Variants in PKN2 observed in about 807,000 individuals in gnomAD.
PKN2 encodes the protein protein kinase N2.
In PKN2, 38 loss-of-function variants were observed where a neutral mutation model predicts 119.1. The ratio of observed to expected loss-of-function variants is 0.32; its 90% CI spans 0.25 to 0.42. The LOEUF is 0.42. PKN2 is among the 10% of genes least tolerant of loss of function. The pLI is 1.00. For missense variants in PKN2, 850 were observed against 1,165.1 expected (o/e 0.73, Z 3.94); for synonymous variants, 390 against 384.9 (o/e 1.01, Z -0.15).
chr1:88,762,271 G>C (rs1669478704), intron 3 of PKN2, among the ~76,000 whole-genome samples: 1 of 152,184 alleles, frequency 6.6e-6, no homozygotes, highest in African/African-American at 2.4e-5. Flanking sequence ...ACAAGGCTGT[G>C]AGCATCCTGT....
intron 1 of PKN2, among the ~76,000 whole-genome samples, chr1:88,736,078 A>C (rs563228273): frequency 6.6e-6 from 1 of 152,178 alleles, no homozygotes; most frequent in Non-Finnish European, 1.5e-5. Context: ...GCTTGTCTTC[A>C]AGCTCAGATT....
chr1:88,688,513 C>T (rs905168621), intron 1 of PKN2, among the ~76,000 whole-genome samples: 7 of 152,196 alleles, frequency 4.6e-5, no homozygotes, highest in Non-Finnish European at 7.3e-5. Flanking sequence ...CTTTACACTA[C>T]TTGTTAGCTC....
chr1:88,737,760 C>T (rs982719402), intron 1 of PKN2, among the ~76,000 whole-genome samples: 3 of 152,180 alleles, frequency 2.0e-5, no homozygotes, highest in Non-Finnish European at 4.4e-5. Context: ...AGACCCAGTG[C>T]TGAGCTACAA....
chr1:88,742,960 G>C (rs1458923567), intron 2 of PKN2, among the ~76,000 whole-genome samples: 1 of 152,180 alleles, frequency 6.6e-6, no homozygotes, highest in Non-Finnish European at 1.5e-5. Flanking sequence ...GGAGGCCAAG[G>C]CAGGCGGATC....
intron 1 of PKN2, among the ~76,000 whole-genome samples, chr1:88,735,472 T>A (rs1431191864): frequency 4.6e-5 from 7 of 151,750 alleles, no homozygotes; most frequent in Non-Finnish European, 8.8e-5. Flanking sequence ...TATTTTTTTT[T>A]AACATTTCTT....
Position 88,795,270 on chromosome 1 carries a change from T to A in PKN2, c.1281+9057T>A, listed in dbSNP as rs191315952. Reference sequence around the variant, plus strand: ...TATGATCATTCAAGTTGCCCTCTAGTTTCCATTCTTTCTAGTCTCCTATAG... The same window carrying A: ...TATGATCATTCAAGTTGCCCTCTAGATTCCATTCTTTCTAGTCTCCTATAG... On this transcript the variant is annotated intron_variant, in intron 8 of 21. Transcript: ENST00000370521. Among the ~76,000 whole-genome samples the A allele has an allele frequency of 6.6e-5, 10 of 152,334 alleles. 1 individual carries two copies. The East Asian group carries it at 7.7e-4, about 12-fold the overall frequency.
At chr1:88,729,390 G>T (rs140877554) in intron 1 of PKN2, among the ~76,000 whole-genome samples, 24 of 152,306 alleles carry the variant, frequency 1.6e-4, no homozygotes, top group African/African-American at 5.3e-4. Context: ...GGTATACTAG[G>T]TGTTTCTTTT....
intron 1 of PKN2, among the ~76,000 whole-genome samples, chr1:88,725,756 C>A (rs1204586304): frequency 6.6e-6 from 1 of 152,024 alleles, no homozygotes; most frequent in Admixed American, 6.6e-5. Flanking sequence ...TGTTTGTTTG[C>A]TTATTTTATG....
chr1:88,810,047 G>GA (rs1251747928), intron 15 of PKN2, among the ~76,000 whole-genome samples: 2 of 150,878 alleles, frequency 1.3e-5, no homozygotes, highest in African/African-American at 4.9e-5. Flanking sequence ...ATGAAGGTAA[G>GA]AAAAAGGAGT....
At chr1:88,728,016 C>CTTTTTTTTT (rs34460979) in intron 1 of PKN2, among the ~76,000 whole-genome samples, 2 of 130,786 alleles carry the variant, frequency 1.5e-5, no homozygotes, top group Non-Finnish European at 3.2e-5. Flanking sequence ...TTTCTTGGGG[C>CTTTTTTTTT]TTTTTTTTTT....
At chr1:88,751,031 A>G (rs576911900) in intron 2 of PKN2, among the ~76,000 whole-genome samples, 19 of 152,286 alleles carry the variant, frequency 1.2e-4, no homozygotes, top group Non-Finnish European at 2.2e-4. Flanking sequence ...TACAGAATAC[A>G]GTACAAATTT....
intron 2 of PKN2, among the ~76,000 whole-genome samples, chr1:88,756,191 C>T (rs974398409): frequency 2.0e-5 from 3 of 151,978 alleles, no homozygotes; most frequent in Admixed American, 6.6e-5. Flanking sequence ...CCACCATGCC[C>T]GGCCGGATAT....
chr1:88,740,711 T>C (rs980952163), intron 1 of PKN2, among the ~76,000 whole-genome samples: 5 of 152,128 alleles, frequency 3.3e-5, no homozygotes, highest in African/African-American at 9.6e-5. Flanking sequence ...CCGCTATCTT[T>C]ACACAGCCTT....
intron 2 of PKN2, among the ~76,000 whole-genome samples, chr1:88,751,103 C>A: frequency 6.6e-6 from 1 of 152,136 alleles, no homozygotes; most frequent in East Asian, 1.9e-4. Context: ...TCAACTTTTT[C>A]TGCTACTAAT....
chr1:88,835,234 T>C lies in PKN2; in HGVS notation c.*1786T>C, dbSNP rs1672895703. On this transcript the variant is annotated 3_prime_UTR_variant, in exon 22 of 22. Coordinates refer to ENST00000370521, the MANE Select transcript of PKN2 (RefSeq NM_006256.4). ...GGGAACAATATGTGGTTTAAAGTTA[T>C]TTTAAAATGCCAGTTAATTTCCTCG... 6.6e-6 allele frequency: 1 copy of C among 152,360 alleles called. No homozygotes were observed. The highest frequency in any genetic ancestry group is 1.5e-5 in the Non-Finnish European group (1 of 67,940). The allele number at this position is 152,360 out of a possible 1,614,324, so 9.4% of individuals were successfully genotyped here.
At chr1:88,753,919 C>G (rs976684359) in intron 2 of PKN2, among the ~76,000 whole-genome samples, 1 of 152,132 alleles carries the variant, frequency 6.6e-6, no homozygotes, top group Admixed American at 6.6e-5. Context: ...CATAAAGTAG[C>G]TGTCATTTCA....
chr1:88,784,720 T>G lies in PKN2; in HGVS notation c.1067T>G (p.Leu356Arg), dbSNP rs1670499677. 1 of 1,612,704 alleles carries G rather than the reference T, an allele frequency of 6.2e-7. No homozygotes were observed. ...CGGTCAAAAGCAACATCAGTTGCAC[T>G]GCCTGGTTGGAGTCCAAGTGAAACC... ...PGRSKATSVA[L>R]PGWSPSETRS... The change falls in exon 7 of 22, where the codon CTG becomes CGG. Residue 356 changes from leucine to arginine, a missense_variant. By Grantham distance (102) the Leu-to-Arg change is moderately radical. Coordinates refer to ENST00000370521, the MANE Select transcript of PKN2 (RefSeq NM_006256.4).
At chr1:88,735,038 T>G (rs1668283169) in intron 1 of PKN2, among the ~76,000 whole-genome samples, 1 of 152,252 alleles carries the variant, frequency 6.6e-6, no homozygotes, top group South Asian at 2.1e-4. Context: ...TGTATCACAT[T>G]TATAGTATTA....
chr1:88,752,337 C>A (rs1557587937), intron 2 of PKN2, among the ~76,000 whole-genome samples: 2 of 151,964 alleles, frequency 1.3e-5, no homozygotes, highest in African/African-American at 2.4e-5. Context: ...CCAGTTGATA[C>A]CCCTTGCATT....
Sources: allele counts gnomAD v4.1 joint callset (sites outside exome capture counted in the v4.1 genomes callset), GRCh38; gene constraint gnomAD v4.1.1; transcripts MANE v1.5; gene names NCBI Gene and HGNC (gene_info 2026-07-23, HGNC 2026-07-21).